HIVEP1: variants seen among roughly 807,000 people sequenced by gnomAD.
HIVEP1 encodes the protein zinc finger protein 40.
In HIVEP1, 36 loss-of-function variants were observed where a neutral mutation model predicts 180.0. The observed-to-expected ratio is 0.20, with a 90% CI of 0.15 to 0.26. The LOEUF (loss-of-function observed/expected upper bound fraction) is 0.26, where lower values mean the gene tolerates loss of function less well. HIVEP1 is among the 10% of genes least tolerant of loss of function. HIVEP1 has a pLI of 1.00. For synonymous variants in HIVEP1, 1,239 were observed against 1,239.0 expected (o/e 1.00, Z 0.00); for missense variants, 3,143 against 3,268.7 (o/e 0.96, Z 0.94).
At chr6:12,153,799 G>T (rs967387685) in intron 7 of HIVEP1, among the ~76,000 whole-genome samples, 2 of 152,096 alleles carry the variant, frequency 1.3e-5, no homozygotes, top group Non-Finnish European at 2.9e-5. Flanking sequence ...GGCTAATAGG[G>T]AGGTGCTTGT....
At chr6:12,030,622 C>T (rs1472415257) in intron 2 of HIVEP1, among the ~76,000 whole-genome samples, 1 of 152,108 alleles carries the variant, frequency 6.6e-6, no homozygotes, top group Non-Finnish European at 1.5e-5. Flanking sequence ...ATTTGCTTCT[C>T]TGTCTCTTTT....
At chr6:12,051,929 T>G (rs1254047581) in intron 2 of HIVEP1, among the ~76,000 whole-genome samples, 1 of 152,218 alleles carries the variant, frequency 6.6e-6, no homozygotes, top group East Asian at 1.9e-4. Flanking sequence ...CTTGCCCAGA[T>G]GAGTTATAGG....
intron 3 of HIVEP1, among the ~76,000 whole-genome samples, chr6:12,110,205 T>C (rs1292468475): frequency 6.6e-6 from 1 of 152,126 alleles, no homozygotes; most frequent in Non-Finnish European, 1.5e-5. Flanking sequence ...TTCTTAAGGG[T>C]CTTATGGATT....
chr6:12,181,916 G>C, the HIVEP1 span, among the ~76,000 whole-genome samples: 1 of 152,142 alleles, frequency 6.6e-6, no homozygotes, highest in African/African-American at 2.4e-5. Context: ...GTACAAATAA[G>C]AGAGGCTATT....
rs1449449096 is a variant in HIVEP1, at chr6:12,012,329, A to C, written c.-341A>C. 6.7e-6 allele frequency: 1 copy of C among 149,576 alleles called. No individual in the cohort carries two copies. The highest frequency in any genetic ancestry group is 1.5e-5 in the Non-Finnish European group (1 of 67,710). The allele number at this position is 149,576 out of a possible 1,614,324, so 9.3% of individuals were successfully genotyped here. A position where few individuals can be genotyped will look rare whatever the true frequency, so the allele number is the denominator to read the frequency against. ...GTGTGAGCGCCAGTCGCCGGCCTTC[A>C]GCGTGGCGGCTGCTGGGCGGCGGCA... On this transcript the variant is annotated 5_prime_UTR_variant, in exon 1 of 9. Transcript: ENST00000379388.
chr6:12,060,610 T>A (rs1459231943), intron 2 of HIVEP1, among the ~76,000 whole-genome samples: 2 of 152,182 alleles, frequency 1.3e-5, no homozygotes, highest in Admixed American at 6.5e-5. Flanking sequence ...ATAGTTAATA[T>A]CTTAAAGGAC....
chr6:12,105,449 C>T (rs763451869), intron 3 of HIVEP1, among the ~76,000 whole-genome samples: 2 of 152,186 alleles, frequency 1.3e-5, no homozygotes, highest in African/African-American at 2.4e-5. Context: ...CTTTTATCCT[C>T]TCCAGGATCT....
intron 2 of HIVEP1, among the ~76,000 whole-genome samples, chr6:12,088,723 G>A (rs571475070): frequency 1.3e-5 from 2 of 152,082 alleles, no homozygotes; most frequent in East Asian, 1.9e-4. Context: ...TTTCTGCCAT[G>A]CCATATTTCA....
intron 2 of HIVEP1, among the ~76,000 whole-genome samples, chr6:12,027,062 T>G (rs1453867034): frequency 2.0e-5 from 3 of 152,224 alleles, no homozygotes; most frequent in Non-Finnish European, 4.4e-5. Flanking sequence ...GACCATGGCT[T>G]CTTTCATGCA....
At chr6:12,094,836 G>T (rs532906729) in intron 3 of HIVEP1, among the ~76,000 whole-genome samples, 1 of 152,092 alleles carries the variant, frequency 6.6e-6, no homozygotes, top group Admixed American at 6.5e-5. Context: ...GATTCCCATG[G>T]AGCTGTTTGT....
At chr6:12,096,984 T>C (rs749265742) in intron 3 of HIVEP1, among the ~76,000 whole-genome samples, 3 of 152,058 alleles carry the variant, frequency 2.0e-5, no homozygotes, top group Non-Finnish European at 4.4e-5. Context: ...TATTGACAAT[T>C]TACAAAATGA....
At chr6:12,202,639 A>C in the HIVEP1 span, among the ~76,000 whole-genome samples, 1 of 152,252 alleles carries the variant, frequency 6.6e-6, no homozygotes, top group Admixed American at 6.5e-5. Flanking sequence ...ATGACAGATA[A>C]ATGTTGGTTG....
At chr6:12,104,362 T>C (rs1774283212) in intron 3 of HIVEP1, among the ~76,000 whole-genome samples, 3 of 149,930 alleles carry the variant, frequency 2.0e-5, no homozygotes, top group Admixed American at 2.0e-4. Flanking sequence ...ATCTGACTTA[T>C]TCTCTCTCTC....
At chr6:12,074,578 G>A (rs923160299) in intron 2 of HIVEP1, among the ~76,000 whole-genome samples, 4 of 151,498 alleles carry the variant, frequency 2.6e-5, no homozygotes, top group Non-Finnish European at 4.4e-5. Context: ...CATGGATTTA[G>A]GGGTCTCCAT....
intron 2 of HIVEP1, among the ~76,000 whole-genome samples, chr6:12,046,768 A>C (rs1416196407): frequency 6.8e-6 from 1 of 146,554 alleles, no homozygotes; most frequent in African/African-American, 2.6e-5. Flanking sequence ...ACAGAGCGAG[A>C]CTCTGTCTCA....
chr6:12,110,885 T>C (rs890935620), intron 3 of HIVEP1, among the ~76,000 whole-genome samples: 2 of 152,244 alleles, frequency 1.3e-5, no homozygotes, highest in African/African-American at 4.8e-5. Flanking sequence ...AGCTTTTGGC[T>C]TAAAGCTAGA....
chr6:12,155,829 A>G (rs944749134), intron 7 of HIVEP1, among the ~76,000 whole-genome samples: 8 of 152,218 alleles, frequency 5.3e-5, no homozygotes, highest in African/African-American at 1.9e-4. Flanking sequence ...GAATCACCAC[A>G]CTGTCTTCCA....
At chr6:12,107,516 C>G (rs1480887361) in intron 3 of HIVEP1, among the ~76,000 whole-genome samples, 2 of 152,176 alleles carry the variant, frequency 1.3e-5, no homozygotes, top group Non-Finnish European at 2.9e-5. Flanking sequence ...AAGAATGAAG[C>G]TGCGGACCCT....
At chr6:12,107,530 G>A (rs997018879) in intron 3 of HIVEP1, among the ~76,000 whole-genome samples, 5 of 152,256 alleles carry the variant, frequency 3.3e-5, no homozygotes, top group African/African-American at 7.2e-5. Context: ...GGACCCTCAC[G>A]GTGAGTGTTA....
Sources: allele counts gnomAD v4.1 joint callset (sites outside exome capture counted in the v4.1 genomes callset), GRCh38; gene constraint gnomAD v4.1.1; transcripts MANE v1.5; gene names NCBI Gene and HGNC (gene_info 2026-07-23, HGNC 2026-07-21).